Variants in MALRD1 observed in about 807,000 individuals in gnomAD.
MALRD1 encodes MAM and LDL receptor class A domain containing 1.
In MALRD1, 247 loss-of-function variants were observed where a neutral mutation model predicts 242.1. That is an observed-to-expected ratio of 1.02 (90% CI 0.92 to 1.13). The LOEUF is 1.13. Among genes scored for constraint, MALRD1 ranks in the 50% most tolerant of loss-of-function variants. MALRD1 has a pLI of 0.00. For synonymous variants in MALRD1, 995 were observed against 866.6 expected, an observed-to-expected ratio of 1.15 and a Z score of -2.60; for missense variants, 2,989 against 2,533.1, an observed-to-expected ratio of 1.18 and a Z score of -3.86.
chr10:19,513,183 G>T (rs966660389), intron 31 of MALRD1, among the ~76,000 whole-genome samples: 4 of 152,068 alleles, frequency 2.6e-5, no homozygotes, highest in African/African-American at 9.7e-5. Flanking sequence ...TGGGTCATGA[G>T]GATGGATTCC....
chr10:19,605,989 T>A (rs1351495460), intron 34 of MALRD1, among the ~76,000 whole-genome samples: 1 of 152,066 alleles, frequency 6.6e-6, no homozygotes, highest in African/African-American at 2.4e-5. Context: ...CAATAAAGAG[T>A]ACTGCCTAAA....
chr10:19,728,142 A>G (rs1226182996), intron 38 of MALRD1, among the ~76,000 whole-genome samples: 1 of 152,162 alleles, frequency 6.6e-6, no homozygotes, highest in Admixed American at 6.5e-5. Flanking sequence ...TGAGACTACT[A>G]AAAAACAAAA....
intron 31 of MALRD1, among the ~76,000 whole-genome samples, chr10:19,530,344 A>G (rs1286000336): frequency 1.5e-5 from 2 of 131,002 alleles, no homozygotes; most frequent in African/African-American, 5.8e-5. Context: ...TAATATTTAT[A>G]TAAATATATA....
chr10:19,467,254 C>T (rs945730340), intron 29 of MALRD1, among the ~76,000 whole-genome samples: 2 of 150,906 alleles, frequency 1.3e-5, no homozygotes, highest in Non-Finnish European at 3.0e-5. Flanking sequence ...ACTCAGGAGG[C>T]TGAGGCAGGA....
chr10:19,269,272 G>A (rs1378342381), intron 19 of MALRD1, among the ~76,000 whole-genome samples: 1 of 151,946 alleles, frequency 6.6e-6, no homozygotes, highest in Admixed American at 6.6e-5. Context: ...GAGTAGATTA[G>A]GTCATGAGGA....
At chr10:19,489,137 C>T (rs765963650) in intron 29 of MALRD1, 1 of 467,214 alleles carries the variant, frequency 2.1e-6, no homozygotes, top group South Asian at 1.5e-5. Flanking sequence ...GGGGCCGCCA[C>T]AGGAAAAGCC....
intron 29 of MALRD1, among the ~76,000 whole-genome samples, chr10:19,469,286 C>G (rs1018683053): frequency 3.9e-5 from 6 of 152,092 alleles, no homozygotes; most frequent in Non-Finnish European, 8.8e-5. Context: ...TTTATGTGTT[C>G]TTGTCGAATT....
intron 18 of MALRD1, 47 bp from the exon 19 acceptor site, chr10:19,257,637 C>A: frequency 1.5e-6 from 2 of 1,320,390 alleles, no homozygotes; most frequent in South Asian, 2.7e-5. Context: ...ATTTCCTTTA[C>A]CACATAAACA....
At chr10:19,551,225 G>A (rs138564723) in intron 32 of MALRD1, among the ~76,000 whole-genome samples, 2 of 152,148 alleles carry the variant, frequency 1.3e-5, no homozygotes, top group South Asian at 2.1e-4. Context: ...AAGATGCACA[G>A]TATGCAAATA....
intron 2 of MALRD1, among the ~76,000 whole-genome samples, chr10:19,083,206 A>C (rs1017363166): frequency 6.6e-6 from 1 of 151,980 alleles, no homozygotes; most frequent in African/African-American, 2.4e-5. Flanking sequence ...ATAAATCTCT[A>C]TGTTTTGCTG....
intron 19 of MALRD1, among the ~76,000 whole-genome samples, chr10:19,267,094 T>C (rs1394125278): frequency 6.6e-6 from 1 of 152,102 alleles, no homozygotes; most frequent in African/African-American, 2.4e-5. Context: ...GTGAGATAGC[T>C]AGTTTATTTA....
intron 38 of MALRD1, among the ~76,000 whole-genome samples, chr10:19,713,047 G>T (rs867954269): frequency 2.0e-5 from 3 of 151,680 alleles, no homozygotes; most frequent in East Asian, 1.9e-4. Flanking sequence ...GAAATGAAGG[G>T]GGGGGTTCCT....
chr10:19,557,278 G>A (rs1198068662), intron 32 of MALRD1, among the ~76,000 whole-genome samples: 4 of 151,942 alleles, frequency 2.6e-5, no homozygotes, highest in Non-Finnish European at 5.9e-5. Flanking sequence ...TTACATAGAA[G>A]TTTTTAATTT....
At chr10:19,423,007 T>A (rs963641748) in intron 28 of MALRD1, among the ~76,000 whole-genome samples, 2 of 152,186 alleles carry the variant, frequency 1.3e-5, no homozygotes, top group Non-Finnish European at 2.9e-5. Flanking sequence ...GCCCTTGCAG[T>A]GCTCACCATA....
chr10:19,109,966 C>T (rs1419391001), intron 5 of MALRD1, among the ~76,000 whole-genome samples: 1 of 152,106 alleles, frequency 6.6e-6, no homozygotes, highest in Non-Finnish European at 1.5e-5. Flanking sequence ...CTTTTCTTTG[C>T]AATGGTAATT....
At chr10:19,338,503 A>G (rs1480967995) in intron 24 of MALRD1, among the ~76,000 whole-genome samples, 1 of 146,234 alleles carries the variant, frequency 6.8e-6, no homozygotes, top group Non-Finnish European at 1.5e-5. Context: ...GATGTCTCAG[A>G]CTTTTGTAAA....
At chr10:19,482,327 A>G (rs1837030604) in intron 29 of MALRD1, among the ~76,000 whole-genome samples, 1 of 152,064 alleles carries the variant, frequency 6.6e-6, no homozygotes, top group Admixed American at 6.6e-5. Flanking sequence ...CAACAAGTTA[A>G]AAAAGATAGA....
intron 19 of MALRD1, among the ~76,000 whole-genome samples, chr10:19,277,545 A>G (rs1352595291): frequency 4.6e-5 from 7 of 152,060 alleles, no homozygotes; most frequent in Non-Finnish European, 1.5e-5. Context: ...TTTAATGTTT[A>G]CTAGCTGAGG....
intron 30 of MALRD1, among the ~76,000 whole-genome samples, chr10:19,495,488 A>G (rs1329991623): frequency 2.6e-5 from 4 of 152,050 alleles, no homozygotes; most frequent in Non-Finnish European, 2.9e-5. Flanking sequence ...AGAATTTCAC[A>G]TACAGGCAAA....
Sources: allele counts gnomAD v4.1 joint callset (sites outside exome capture counted in the v4.1 genomes callset), GRCh38; gene constraint gnomAD v4.1.1; transcripts MANE v1.5; gene names NCBI Gene and HGNC (gene_info 2026-07-23, HGNC 2026-07-21).